MEP1B: variants seen among roughly 807,000 people sequenced by gnomAD.
MEP1B encodes the protein N-benzoyl-L-tyrosyl-P-amino-benzoic acid hydrolase subunit beta.
In MEP1B, 80 loss-of-function variants were observed where a neutral mutation model predicts 84.6. The observed-to-expected ratio is 0.95, with a 90% CI of 0.79 to 1.14. The LOEUF (loss-of-function observed/expected upper bound fraction) is 1.14. MEP1B is among the 50% of genes most tolerant of loss of function. The pLI, the probability that MEP1B is intolerant of heterozygous loss-of-function variation, is 0.00. For missense variants in MEP1B, 766 were observed against 855.1 expected, an observed-to-expected ratio of 0.90 and a Z score of 1.30; for synonymous variants, 273 against 288.1, an observed-to-expected ratio of 0.95 and a Z score of 0.53.
chr18:32,200,051 C>T (rs1439997794), intron 5 of MEP1B, among the ~76,000 whole-genome samples: 1 of 151,804 alleles, frequency 6.6e-6, no homozygotes, highest in Non-Finnish European at 1.5e-5. Flanking sequence ...TGTATTTAAC[C>T]ATGAGCTTTA....
rs61742129 is a variant in MEP1B, at chr18:32,196,248, C to T, written c.250+763C>T. ...AGAGGATGCCATTGATGCCTTTGAA[C>T]TGCTCCAAGACGCTGGCCATGCTGG... On this transcript the variant is annotated intron_variant, in intron 5 of 14. Transcript: ENST00000269202. This position sits in a 1 kb window ranked among gnomAD's most constrained non-coding sequence, Gnocchi z 4.4. 973 of 700,104 alleles carry T rather than the reference C, an allele frequency of 1.4e-3. 6 individuals are homozygous for T. In the African/African-American group the frequency reaches 0.014, roughly 10 times the overall value. 43.4% of individuals were successfully genotyped at this position (700,104 alleles called of 1,614,324 possible). A position where few individuals can be genotyped will look rare whatever the true frequency, so the allele number is the denominator to read the frequency against.
chr18:32,194,728 T>C (rs1228641166), intron 4 of MEP1B, among the ~76,000 whole-genome samples: 3 of 152,190 alleles, frequency 2.0e-5, no homozygotes, highest in East Asian at 3.8e-4. Flanking sequence ...CATAGACGAC[T>C]GTCCTGATCA....
At chr18:32,207,607 A>G (rs1213221326) in intron 8 of MEP1B, 137 bp downstream of exon 8, 1 of 647,996 alleles carries the variant, frequency 1.5e-6, no homozygotes, top group East Asian at 2.7e-5. Context: ...TAAACAGAAT[A>G]GCACTCAGAT....
chr18:32,196,961 C>T lies in MEP1B; in HGVS notation c.250+1476C>T, dbSNP rs2040862665. 1 of 260,958 alleles carries T rather than the reference C, an allele frequency of 3.8e-6. No homozygotes were observed. Among genetic ancestry groups the T allele is most frequent in the Non-Finnish European group, 7.4e-6 (1 of 135,068 alleles). The allele number at this position is 260,958 out of a possible 1,614,324, so 16.2% of individuals were successfully genotyped here. A position where few individuals can be genotyped will look rare whatever the true frequency, so the allele number is the denominator to read the frequency against. On this transcript the variant is annotated intron_variant, in intron 5 of 14. Transcript: ENST00000269202. This position sits in a 1 kb window ranked among gnomAD's most constrained non-coding sequence, Gnocchi z 4.4. Reference sequence around the variant, plus strand: ...ACAGGTGCAGGGCCTGATTGATGGGCTCACAGGGAGCCAGTCTTTATTTTA... The same window carrying T: ...ACAGGTGCAGGGCCTGATTGATGGGTTCACAGGGAGCCAGTCTTTATTTTA...
Position 32,213,200 on chromosome 18 carries a change from G to T in MEP1B, c.1220G>T (p.Gly407Val), listed in dbSNP as rs377435354. Residue 407 changes from glycine to valine, a missense_variant, in exon 11 of 15, where the codon GGC becomes GTC. Physicochemically the swap from Gly to Val is moderately radical, Grantham distance 109. Coordinates refer to ENST00000269202, the MANE Select transcript of MEP1B (RefSeq NM_005925.3). ...AGAGTGGTGTTTGAAGGACGCAAAG[G>T]CTCTGGTGCATCACTGGGTGGTCTG... ...KFRVVFEGRK[G>V]SGASLGGLSI... 25 of 1,613,838 alleles carry T rather than the reference G, an allele frequency of 1.5e-5. No individual in the cohort carries two copies. Among genetic ancestry groups the T allele is most frequent in the Non-Finnish European group, 2.0e-5 (24 of 1,179,868 alleles).
intron 10 of MEP1B, among the ~76,000 whole-genome samples, chr18:32,212,219 C>G (rs937180418): frequency 6.6e-6 from 1 of 151,670 alleles, no homozygotes; most frequent in South Asian, 2.1e-4. Flanking sequence ...TCTGTGGGTT[C>G]GTCATTGATA....
rs369095143 is a variant in MEP1B at position 32,190,150 on chromosome 18, T to C, written c.63+17T>C. On this transcript the variant is annotated intron_variant, in intron 1 of 14. Coordinates refer to ENST00000269202, the MANE Select transcript of MEP1B (RefSeq NM_005925.3). Reference sequence around the variant, plus strand: ...TCTGGCTTGGTAAGGAAACAGTATATAGAAGATAATTTAAAAATTTTGGGG... The same window carrying C: ...TCTGGCTTGGTAAGGAAACAGTATACAGAAGATAATTTAAAAATTTTGGGG... The C allele has an allele frequency of 1.3e-6, 2 of 1,599,098 alleles. No individual in the cohort carries two copies. Among genetic ancestry groups the C allele is most frequent in the African/African-American group, 1.3e-5 (1 of 74,402 alleles).
At chr18:32,203,303 A>G (rs566632439) in intron 6 of MEP1B, 42 of 244,188 alleles carry the variant, frequency 1.7e-4, no homozygotes, top group African/African-American at 8.5e-4. Context: ...ATCCCTTTCA[A>G]GTAAAAAACA....
chr18:32,218,558 C>T (rs1006619476), intron 14 of MEP1B, among the ~76,000 whole-genome samples: 1 of 152,192 alleles, frequency 6.6e-6, no homozygotes, highest in Admixed American at 6.5e-5. Flanking sequence ...GAAGCTGACT[C>T]TGAGATGGAT....
intron 9 of MEP1B, 78 bp downstream of exon 9, chr18:32,208,349 T>G: frequency 1.5e-6 from 2 of 1,335,276 alleles, no homozygotes; most frequent in Non-Finnish European, 2.0e-6. Flanking sequence ...AATGGGATTT[T>G]ATCTCTAATT....
Position 32,210,538 on chromosome 18 carries a change from A to C in MEP1B, c.957A>C (p.Val319=), listed in dbSNP as rs1226389809. 6.2e-7 allele frequency: 1 copy of C among 1,613,866 alleles called. No homozygotes were observed. Among genetic ancestry groups the C allele is most frequent in the African/African-American group, 1.3e-5 (1 of 74,922 alleles). The change falls in exon 10 of 15, where the codon GTA becomes GTC. Residue 319 remains valine, a synonymous_variant. Coordinates refer to ENST00000269202, the MANE Select transcript of MEP1B (RefSeq NM_005925.3). ...GFFMHFDSSS[V]NVGATAVLES... The stretch of plus-strand genomic sequence containing the variant: ...TCATGCATTTCGATAGCAGCTCTGT[A>C]AATGTGGGGGCCACAGCAGTGCTGG...
intron 5 of MEP1B, among the ~76,000 whole-genome samples, chr18:32,202,436 A>G (rs1283803727): frequency 6.6e-6 from 1 of 152,220 alleles, no homozygotes; most frequent in Non-Finnish European, 1.5e-5. Context: ...ATTTGTAGAT[A>G]TGCACACACA....
At chr18:32,204,413 A>C in intron 7 of MEP1B, 53 bp downstream of exon 7, 7 of 1,430,164 alleles carry the variant, frequency 4.9e-6, no homozygotes, top group Non-Finnish European at 6.7e-6. Context: ...ATTTCTAAGC[A>C]TGTGTCCTCT....
rs1364818767 is a variant in MEP1B at position 32,197,399 on chromosome 18, A to ATT, written c.250+1918_250+1919dup. On this transcript the variant is annotated intron_variant, in intron 5 of 14. Transcript: ENST00000269202. ...TTTTTAATTTTTAATTTTATTTTTC[A>ATT]TTTTTGTTTTTTTTTTTTTGTTTTG... Among the ~76,000 whole-genome samples, 84 of 104,500 alleles carry ATT rather than the reference A, an allele frequency of 8.0e-4. 1 individual carries two copies. The highest frequency in any genetic ancestry group is 2.3e-3 in the African/African-American group (70 of 29,874). 68.6% of individuals were successfully genotyped at this position (104,500 alleles called of 152,430 possible). A position where few individuals can be genotyped will look rare whatever the true frequency, so the allele number is the denominator to read the frequency against.
intron 1 of MEP1B, among the ~76,000 whole-genome samples, chr18:32,191,221 T>TC (rs911745120): frequency 6.6e-6 from 1 of 151,540 alleles, no homozygotes; most frequent in Non-Finnish European, 1.5e-5. Context: ...TTTTTTTTTT[T>TC]CCTTTGGACA....
At chr18:32,201,465 CT>C (rs996924264) in intron 5 of MEP1B, among the ~76,000 whole-genome samples, 27 of 152,034 alleles carry the variant, frequency 1.8e-4, no homozygotes, top group African/African-American at 6.3e-4. Flanking sequence ...TTTTGATTGC[CT>C]GTGATCCAAT....
rs553234771 is a variant in MEP1B, at chr18:32,206,832, G to A, written c.548-420G>A. 4.6e-5 allele frequency among the ~76,000 whole-genome samples: 7 copies of A among 152,104 alleles called. No homozygotes were observed. In the East Asian group the frequency reaches 1.2e-3, roughly 25 times the overall value. ...TCACCATGTTGGTCAGGCTGGTCTCGAACTCCTGACCTCATGATCCGCCTG... is the reference window on the plus strand; with the variant it reads ...TCACCATGTTGGTCAGGCTGGTCTCAAACTCCTGACCTCATGATCCGCCTG... On this transcript the variant is annotated intron_variant, in intron 7 of 14. Transcript: ENST00000269202.
chr18:32,213,639 C>T (rs2041054502), intron 11 of MEP1B, 80 bp downstream of exon 11: 2 of 1,072,982 alleles, frequency 1.9e-6, no homozygotes, highest in African/African-American at 1.6e-5. Flanking sequence ...TGAGGGATTG[C>T]ACAGTTAGTT....
chr18:32,198,984 A>G (rs1304007032), intron 5 of MEP1B, among the ~76,000 whole-genome samples: 1 of 152,178 alleles, frequency 6.6e-6, no homozygotes, highest in African/African-American at 2.4e-5. Flanking sequence ...AGGTGGGTGT[A>G]GAGAAAGAGA....
Sources: gnomAD v4.1 joint callset for allele counts (sites outside exome capture counted in the v4.1 genomes callset) on GRCh38, gnomAD v4.1.1 for gene constraint, Gnocchi (gnomAD v3.1) non-coding constraint, MANE v1.5 for transcripts, NCBI Gene and HGNC (gene_info 2026-07-23, HGNC 2026-07-21) for gene names.